The following RABGAP1L variants were observed in gnomAD, a reference collection of about 807,000 sequenced individuals.
The protein encoded by RABGAP1L is rab GTPase-activating protein 1-like.
Under a neutral mutation model 137.7 loss-of-function variants are expected in RABGAP1L, and 63 were observed. That is an observed-to-expected ratio of 0.46 (90% CI 0.37 to 0.56). RABGAP1L has a LOEUF of 0.56. RABGAP1L is among the 20% of genes least tolerant of loss of function. The pLI is 0.00. For missense variants in RABGAP1L, 1,095 were observed against 1,244.0 expected (o/e 0.88, Z 1.80); for synonymous variants, 431 against 433.7 (o/e 0.99, Z 0.08).
At chr1:174,272,320 G>T in intron 7 of RABGAP1L, 94 bp from the exon 8 acceptor site, 1 of 1,317,534 alleles carries the variant, frequency 7.6e-7, no homozygotes, top group South Asian at 1.5e-5. Flanking sequence ...ACAGAGCTCA[G>T]ATTGTATAGT....
At chr1:174,895,761 A>G (rs920092155) in intron 19 of RABGAP1L, among the ~76,000 whole-genome samples, 4 of 152,154 alleles carry the variant, frequency 2.6e-5, no homozygotes, top group Non-Finnish European at 5.9e-5. Context: ...GTCCCTATAA[A>G]GGACATGAAC....
intron 13 of RABGAP1L, among the ~76,000 whole-genome samples, chr1:174,598,348 TG>T (rs1670140926): frequency 1.5e-5 from 1 of 67,128 alleles, no homozygotes; most frequent in African/African-American, 1.6e-4. Flanking sequence ...AAAAAAAAAA[TG>T]GTCTGTCTTT....
chr1:174,432,347 A>C (rs996159019), intron 13 of RABGAP1L, among the ~76,000 whole-genome samples: 1 of 152,162 alleles, frequency 6.6e-6, no homozygotes. Flanking sequence ...TTCTTTGTCC[A>C]GTCTGCTAGC....
intron 13 of RABGAP1L, among the ~76,000 whole-genome samples, chr1:174,490,462 A>G (rs1176919818): frequency 6.6e-6 from 1 of 152,034 alleles, no homozygotes; most frequent in Admixed American, 6.5e-5. Flanking sequence ...AGCTGCCTGG[A>G]GCTGTGGGTT....
At chr1:174,636,464 G>C (rs1457580042) in intron 13 of RABGAP1L, among the ~76,000 whole-genome samples, 1 of 151,672 alleles carries the variant, frequency 6.6e-6, no homozygotes, top group African/African-American at 2.4e-5. Flanking sequence ...GGAGGCGGAG[G>C]TTGCGGTGAG....
intron 13 of RABGAP1L, among the ~76,000 whole-genome samples, chr1:174,563,491 T>A (rs1667362251): frequency 6.6e-6 from 1 of 152,154 alleles, no homozygotes; most frequent in Non-Finnish European, 1.5e-5. Context: ...CCAGTTCTCT[T>A]AACCATAAAA....
chr1:174,559,630 G>T (rs941576614), intron 13 of RABGAP1L, among the ~76,000 whole-genome samples: 1 of 152,170 alleles, frequency 6.6e-6, no homozygotes, highest in Admixed American at 6.5e-5. Context: ...TTGAGTGGAA[G>T]AAATAATTTC....
intron 18 of RABGAP1L, among the ~76,000 whole-genome samples, chr1:174,773,526 T>C (rs1479816031): frequency 6.6e-6 from 1 of 152,174 alleles, no homozygotes; most frequent in Non-Finnish European, 1.5e-5. Context: ...GTTTTTTAAT[T>C]CAAGTTGTTT....
At chr1:174,270,202 T>C (rs548173036) in intron 7 of RABGAP1L, among the ~76,000 whole-genome samples, 55 of 151,914 alleles carry the variant, frequency 3.6e-4, no homozygotes, top group African/African-American at 1.3e-3. Flanking sequence ...GGGCTTTTTT[T>C]TTTTTTCCAG....
chr1:174,837,308 G>T (rs1464121693), intron 19 of RABGAP1L, among the ~76,000 whole-genome samples: 1 of 152,070 alleles, frequency 6.6e-6, no homozygotes, highest in Non-Finnish European at 1.5e-5. Context: ...TAAGATATAG[G>T]TCATTACCTG....
intron 13 of RABGAP1L, among the ~76,000 whole-genome samples, chr1:174,396,605 A>G (rs913522535): frequency 3.0e-4 from 46 of 152,032 alleles, no homozygotes; most frequent in Non-Finnish European, 5.6e-4. Context: ...AAACTAAATT[A>G]TATACTTTTA....
chr1:174,290,620 C>T (rs1676503962), intron 10 of RABGAP1L, among the ~76,000 whole-genome samples: 2 of 152,132 alleles, frequency 1.3e-5, no homozygotes, highest in Admixed American at 1.3e-4. Flanking sequence ...CCTCAGAACA[C>T]ACATGTTTTT....
chr1:174,347,063 T>C (rs1484575165), intron 11 of RABGAP1L, among the ~76,000 whole-genome samples: 1 of 152,204 alleles, frequency 6.6e-6, no homozygotes, highest in African/African-American at 2.4e-5. Flanking sequence ...TTTTATTTAG[T>C]TGTGGGCAGA....
chr1:174,172,546 T>G (rs1057466375), intron 1 of RABGAP1L, among the ~76,000 whole-genome samples: 2 of 152,168 alleles, frequency 1.3e-5, no homozygotes, highest in South Asian at 4.1e-4. Flanking sequence ...TCCAAACAGG[T>G]GTGAGGTGAT....
At chr1:174,756,605 C>T (rs1684785803) in intron 18 of RABGAP1L, among the ~76,000 whole-genome samples, 1 of 152,002 alleles carries the variant, frequency 6.6e-6, no homozygotes, top group Non-Finnish European at 1.5e-5. Flanking sequence ...GCCAGGAATC[C>T]ATTCAGGAAA....
At chr1:174,817,489 G>A (rs776338736) in intron 19 of RABGAP1L, among the ~76,000 whole-genome samples, 1 of 152,266 alleles carries the variant, frequency 6.6e-6, no homozygotes, top group East Asian at 1.9e-4. Context: ...CTGAATGTAG[G>A]TCATGACTGG....
Position 174,637,477 on chromosome 1 carries a change from A to G in RABGAP1L, c.1813A>G (p.Lys605Glu). Reference protein sequence around the residue: ...TGGDGQESLYKICKAYSVYDE... With the variant: ...TGGDGQESLYEICKAYSVYDE... ...AGGAGATGGTCAAGAATCGCTCTAT[A>G]AGATCTGCAAGGTAGGACTCTCTTC... is the stretch of plus-strand genomic sequence containing the variant. Residue 605 changes from lysine (K) to glutamate (E), a missense_variant, in exon 14 of 26, where the codon AAG (lysine) becomes GAG (glutamate). Physicochemically the swap from Lys to Glu is moderately conservative, Grantham distance 56. This residue lies in a region of RABGAP1L where 315 missense variants were observed against 324.8 expected (regional missense o/e 0.97). Coordinates refer to ENST00000681986, the MANE Select transcript of RABGAP1L (RefSeq NM_001366446.1). The G allele has an allele frequency of 1.3e-6, 2 of 1,596,230 alleles. No individual in the cohort carries two copies. Among genetic ancestry groups the G allele is most frequent in the Non-Finnish European group, 1.7e-6 (2 of 1,163,780 alleles).
intron 15 of RABGAP1L, among the ~76,000 whole-genome samples, chr1:174,698,377 C>T (rs1329118383): frequency 2.0e-5 from 3 of 152,174 alleles, no homozygotes; most frequent in African/African-American, 7.2e-5. Context: ...TTAGAGTTTA[C>T]TGGCCATTTC....
chr1:174,317,808 A>C lies in RABGAP1L; in HGVS notation c.1465+12681A>C, dbSNP rs111729486. On this transcript the variant is annotated intron_variant, in intron 11 of 25. Transcript: ENST00000681986. ...TGGTGGCAAGGTCTGCAGGAACTCA[A>C]ATTTGTACCGCTGGGGTCAGGGATT... Among the ~76,000 whole-genome samples, 1,102 of 152,126 alleles carry C rather than the reference A, an allele frequency of 7.2e-3. 19 individuals carry two copies. Among genetic ancestry groups the C allele is most frequent in the African/African-American group, 0.024 (1,015 of 41,526 alleles).
Sources: gnomAD v4.1 joint callset for allele counts (sites outside exome capture counted in the v4.1 genomes callset) on GRCh38, gnomAD v4.1.1 for gene constraint, gnomAD v4.1.1 regional missense constraint, MANE v1.5 for transcripts, NCBI Gene and HGNC (gene_info 2026-07-23, HGNC 2026-07-21) for gene names.